SORCS1: variants seen among roughly 807,000 people sequenced by gnomAD.
The protein encoded by SORCS1 is VPS10 domain-containing receptor SorCS1.
In SORCS1, 60 loss-of-function variants were observed where a neutral mutation model predicts 146.1. That is an observed-to-expected ratio of 0.41 (90% CI 0.33 to 0.51). SORCS1 has a LOEUF of 0.51. Among genes scored for constraint, SORCS1 ranks in the 20% least tolerant of loss-of-function variants. SORCS1 has a pLI of 0.21. For missense variants in SORCS1, 1,352 were observed against 1,487.6 expected (o/e 0.91, Z 1.50); for synonymous variants, 637 against 584.0 (o/e 1.09, Z -1.31).
At chr10:106,991,781 A>C (rs1956781661) in intron 1 of SORCS1, among the ~76,000 whole-genome samples, 1 of 152,232 alleles carries the variant, frequency 6.6e-6, no homozygotes, top group Non-Finnish European at 1.5e-5. Flanking sequence ...AAGACAGACA[A>C]GGAAAGAGGA....
chr10:106,906,050 T>C (rs926607447), intron 2 of SORCS1, among the ~76,000 whole-genome samples: 5 of 152,212 alleles, frequency 3.3e-5, no homozygotes, highest in Admixed American at 2.0e-4. Context: ...ACCACTTGTA[T>C]TAGTCCGTTT....
chr10:106,917,996 A>T (rs1396776777), intron 2 of SORCS1, among the ~76,000 whole-genome samples: 1 of 152,030 alleles, frequency 6.6e-6, no homozygotes, highest in Non-Finnish European at 1.5e-5. Flanking sequence ...CAGTACATAA[A>T]TTTTTATCTT....
chr10:106,828,986 G>A (rs780705345), intron 3 of SORCS1, among the ~76,000 whole-genome samples: 34 of 152,168 alleles, frequency 2.2e-4, no homozygotes, highest in Non-Finnish European at 4.4e-4. Flanking sequence ...AAATAACGGT[G>A]TTGTAGATGA....
At chr10:106,895,296 G>C (rs1340497667) in intron 2 of SORCS1, among the ~76,000 whole-genome samples, 1 of 152,102 alleles carries the variant, frequency 6.6e-6, no homozygotes, top group Non-Finnish European at 1.5e-5. Flanking sequence ...TGATTTTTAG[G>C]TTTTGTTTAA....
At chr10:107,117,327 C>T (rs371802942) in intron 1 of SORCS1, among the ~76,000 whole-genome samples, 19 of 152,294 alleles carry the variant, frequency 1.2e-4, no homozygotes, top group African/African-American at 4.1e-4. Context: ...TATCTGAGAA[C>T]AGACATTATT....
intron 6 of SORCS1, 29 bp from the exon 7 acceptor site, chr10:106,709,370 TG>T (rs1564883997): frequency 8.3e-6 from 12 of 1,439,696 alleles, no homozygotes; most frequent in Non-Finnish European, 1.1e-5. Flanking sequence ...AACAAAAACA[TG>T]GGGTTGAGGG....
At chr10:106,972,405 A>G (rs1177646624) in intron 1 of SORCS1, among the ~76,000 whole-genome samples, 1 of 151,306 alleles carries the variant, frequency 6.6e-6, no homozygotes, top group Non-Finnish European at 1.5e-5. Flanking sequence ...AAAAAATTAG[A>G]ATTCCCCTTC....
intron 1 of SORCS1, among the ~76,000 whole-genome samples, chr10:107,018,527 AG>A (rs1957994299): frequency 6.6e-6 from 1 of 152,174 alleles, no homozygotes; most frequent in Non-Finnish European, 1.5e-5. Flanking sequence ...AAAAATACAA[AG>A]GGTTCCCTGT....
intron 1 of SORCS1, among the ~76,000 whole-genome samples, chr10:107,051,589 T>A (rs887940959): frequency 6.6e-6 from 1 of 152,134 alleles, no homozygotes; most frequent in African/African-American, 2.4e-5. Context: ...GGTTCATGGA[T>A]CTTTTGAAGC....
chr10:106,966,369 C>G (rs964714184), intron 1 of SORCS1, among the ~76,000 whole-genome samples: 2 of 152,158 alleles, frequency 1.3e-5, no homozygotes, highest in Non-Finnish European at 2.9e-5. Context: ...ATGGTAGAAA[C>G]AGTGGACTAA....
At chr10:106,885,292 G>T (rs576147293) in intron 2 of SORCS1, among the ~76,000 whole-genome samples, 1 of 146,738 alleles carries the variant, frequency 6.8e-6, no homozygotes, top group Admixed American at 6.8e-5. Context: ...AATTGGGGGG[G>T]GGGAACTTGA....
chr10:106,711,883 A>G (rs1855017901), intron 6 of SORCS1, among the ~76,000 whole-genome samples: 1 of 152,194 alleles, frequency 6.6e-6, no homozygotes. Flanking sequence ...ACTGTTTTAC[A>G]GCTTTTAAGT....
chr10:106,579,527 A>T, intron 24 of SORCS1, 53 bp from the exon 25 acceptor site: 1 of 1,555,222 alleles, frequency 6.4e-7, no homozygotes, highest in South Asian at 1.1e-5. Flanking sequence ...GGCAGGTGAG[A>T]CTCTATGAGA....
chr10:107,102,271 G>A (rs901364261), intron 1 of SORCS1, among the ~76,000 whole-genome samples: 1 of 152,124 alleles, frequency 6.6e-6, no homozygotes, highest in East Asian at 1.9e-4. Flanking sequence ...TGATATGAGA[G>A]GATTTAATGT....
chr10:106,988,604 T>C (rs1167354186), intron 1 of SORCS1, among the ~76,000 whole-genome samples: 2 of 152,140 alleles, frequency 1.3e-5, no homozygotes, highest in Non-Finnish European at 2.9e-5. Flanking sequence ...GGACAGCTCC[T>C]AGAAATCTTT....
chr10:106,706,185 G>C (rs1170130529), intron 8 of SORCS1, among the ~76,000 whole-genome samples: 1 of 113,506 alleles, frequency 8.8e-6, no homozygotes, highest in African/African-American at 3.2e-5. Context: ...CAATCTCAGA[G>C]ACAGAGAAGA....
At chr10:106,894,275 G>GTT (rs1951373040) in intron 2 of SORCS1, among the ~76,000 whole-genome samples, 1 of 46,138 alleles carries the variant, frequency 2.2e-5, no homozygotes. Flanking sequence ...GTGTGCGTGT[G>GTT]TGTGTGTGTG....
At chr10:106,741,797 TTTCTAAG>T (rs1857385739) in intron 5 of SORCS1, among the ~76,000 whole-genome samples, 5 of 152,020 alleles carry the variant, frequency 3.3e-5, no homozygotes, top group Non-Finnish European at 7.4e-5. Context: ...AATAGCAGGG[TTTCTAAG>T]TTTGAAGGTG....
chr10:106,588,563 A>T (rs952840439), intron 24 of SORCS1, among the ~76,000 whole-genome samples: 1 of 152,124 alleles, frequency 6.6e-6, no homozygotes, highest in Non-Finnish European at 1.5e-5. Flanking sequence ...AAACTTGCTA[A>T]AAATGAAGAT....
Sources: gnomAD v4.1 joint callset for allele counts (sites outside exome capture counted in the v4.1 genomes callset) on GRCh38, gnomAD v4.1.1 for gene constraint, MANE v1.5 for transcripts, NCBI Gene and HGNC (gene_info 2026-07-23, HGNC 2026-07-21) for gene names.